The following CREB5 variants were observed in gnomAD, a reference collection of about 807,000 sequenced individuals.
CREB5 encodes the protein cyclic AMP-responsive element-binding protein 5.
CREB5 carries 19 observed loss-of-function variants against 57.1 expected under a neutral mutation model. The observed-to-expected ratio is 0.33, with a 90% confidence interval of 0.23 to 0.49. The LOEUF is 0.49. CREB5 is among the 20% of genes least tolerant of loss of function. CREB5 has a pLI of 0.99. For missense variants in CREB5, 579 were observed against 671.6 expected, an observed-to-expected ratio of 0.86 and a Z score of 1.52; for synonymous variants, 238 against 238.3, an observed-to-expected ratio of 1.00 and a Z score of 0.01.
At chr7:28,538,020 T>C (rs1464399311) in intron 4 of CREB5, among the ~76,000 whole-genome samples, 1 of 151,306 alleles carries the variant, frequency 6.6e-6, no homozygotes, top group Non-Finnish European at 1.5e-5. Flanking sequence ...TTCTTAACTA[T>C]GGTTTTTGTT....
intron 5 of CREB5, among the ~76,000 whole-genome samples, chr7:28,650,247 T>A (rs1799072847): frequency 6.6e-6 from 1 of 152,262 alleles, no homozygotes; most frequent in African/African-American, 2.4e-5. Context: ...GCATTTCACA[T>A]ACACCTTGAA....
intron 4 of CREB5, among the ~76,000 whole-genome samples, chr7:28,525,059 AAGTG>A (rs1172539706): frequency 6.7e-6 from 1 of 149,772 alleles, no homozygotes; most frequent in African/African-American, 2.5e-5. Flanking sequence ...TAGGCATCAC[AAGTG>A]AGTGAGAACA....
At position 28,471,842 on chromosome 7, in the gene CREB5, T is replaced by C. The variant is rs542880313; in HGVS notation, c.4-16333T>C. On this transcript the variant is annotated intron_variant, in intron 1 of 10. Coordinates refer to ENST00000357727, the MANE Select transcript of CREB5 (RefSeq NM_182898.4). ...TGTTCATAATAGAAAAAATATAAAA[T>C]ATAGATACAAAAAATGCATTATCTC... 6.6e-5 allele frequency among the ~76,000 whole-genome samples: 10 copies of C among 152,242 alleles called. No homozygotes were observed. In the South Asian group the frequency reaches 1.9e-3, roughly 28 times the overall value.
chr7:28,467,087 C>T, intron 1 of CREB5, among the ~76,000 whole-genome samples: 1 of 152,206 alleles, frequency 6.6e-6, no homozygotes, highest in South Asian at 2.1e-4. Context: ...AGTGTAGAGA[C>T]ACACAGTCAC....
chr7:28,761,313 T>A (rs554955579), intron 7 of CREB5, among the ~76,000 whole-genome samples: 51 of 152,318 alleles, frequency 3.3e-4, no homozygotes, highest in African/African-American at 1.2e-3. Flanking sequence ...TTGGGTAAGA[T>A]ATTAACTGCT....
intron 1 of CREB5, among the ~76,000 whole-genome samples, chr7:28,307,616 C>T (rs1210683156): frequency 6.6e-6 from 1 of 152,268 alleles, no homozygotes; most frequent in African/African-American, 2.4e-5. Context: ...CAGAATCCTT[C>T]TCAACCTGGC....
chr7:28,321,339 G>A (rs1018223991), intron 1 of CREB5, among the ~76,000 whole-genome samples: 2 of 151,964 alleles, frequency 1.3e-5, no homozygotes, highest in African/African-American at 4.8e-5. Flanking sequence ...GCCAGGGCTG[G>A]CTATATAATT....
chr7:28,591,187 A>G (rs1397062622), intron 5 of CREB5, among the ~76,000 whole-genome samples: 1 of 152,158 alleles, frequency 6.6e-6, no homozygotes, highest in African/African-American at 2.4e-5. Context: ...GGGAAGAGCA[A>G]TGGCCAAAGG....
intron 5 of CREB5, among the ~76,000 whole-genome samples, chr7:28,652,612 G>A (rs1051856202): frequency 6.6e-6 from 1 of 152,160 alleles, no homozygotes; most frequent in South Asian, 2.1e-4. Flanking sequence ...TATAAAATGG[G>A]ATTAAATAGT....
At chr7:28,552,304 CT>C (rs1157287814) in intron 4 of CREB5, among the ~76,000 whole-genome samples, 4 of 152,190 alleles carry the variant, frequency 2.6e-5, no homozygotes, top group Admixed American at 2.6e-4. Flanking sequence ...TCCAAAAGTG[CT>C]GGAATTACAG....
intron 7 of CREB5, among the ~76,000 whole-genome samples, chr7:28,740,153 C>G (rs1021347582): frequency 2.0e-5 from 3 of 152,024 alleles, no homozygotes; most frequent in Non-Finnish European, 2.9e-5. Context: ...CTTTTATGCA[C>G]CAATAGGTAA....
rs34901571 is a variant in CREB5 at position 28,399,418 on chromosome 7, TAA to T, written c.-24-95471_-24-95470del. ...ATATTACAAAACAGCATCATTCTGG[TAA>T]AAAAAAAAAAAAAAAAGACACATAG... On this transcript the variant is annotated intron_variant, in intron 1 of 9. Coordinates refer to the CREB5 transcript ENST00000396299. 4.5e-3 allele frequency among the ~76,000 whole-genome samples: 578 copies of T among 128,096 alleles called. 4 individuals carry two copies. Among genetic ancestry groups the T allele is most frequent in the East Asian group, 0.015 (66 of 4,492 alleles). The allele number at this position is 128,096 out of a possible 152,430, so 84.0% of individuals were successfully genotyped here. A position where few individuals can be genotyped will look rare whatever the true frequency, so the allele number is the denominator to read the frequency against.
intron 7 of CREB5, among the ~76,000 whole-genome samples, chr7:28,803,710 C>G (rs551353060): frequency 6.9e-6 from 1 of 144,988 alleles, no homozygotes; most frequent in African/African-American, 2.6e-5. Context: ...GAGCCGAGAT[C>G]GCACCACTGC....
intron 1 of CREB5, among the ~76,000 whole-genome samples, chr7:28,483,931 G>T (rs1791450280): frequency 6.6e-6 from 1 of 152,162 alleles, no homozygotes. Context: ...TTGATTCAGG[G>T]CAAACAGTGT....
At chr7:28,361,314 C>T (rs574304939) in intron 1 of CREB5, among the ~76,000 whole-genome samples, 1 of 152,168 alleles carries the variant, frequency 6.6e-6, no homozygotes, top group African/African-American at 2.4e-5. Flanking sequence ...TCATCATCAA[C>T]CCTTCCTAAT....
intron 5 of CREB5, among the ~76,000 whole-genome samples, chr7:28,689,199 G>C (rs887050433): frequency 3.3e-5 from 5 of 152,102 alleles, no homozygotes; most frequent in African/African-American, 1.2e-4. Context: ...GGAGAGGGCC[G>C]AGCGCAGTGG....
At position 28,607,703 on chromosome 7, in the gene CREB5, T is replaced by A. The variant is rs147027577; in HGVS notation, c.464+37166T>A. ...CCACAAAATGATAAAGAACATTGAC[T>A]CTTACCCAAAATAAGACCAGTGCCC... On this transcript the variant is annotated intron_variant, in intron 5 of 10. Coordinates refer to ENST00000357727, the MANE Select transcript of CREB5 (RefSeq NM_182898.4). Among the ~76,000 whole-genome samples the A allele has an allele frequency of 3.5e-3, 524 of 151,266 alleles. 3 individuals are homozygous for A. Among genetic ancestry groups the A allele is most frequent in the African/African-American group, 0.012 (496 of 41,142 alleles).
intron 5 of CREB5, among the ~76,000 whole-genome samples, chr7:28,680,038 G>C (rs1800511510): frequency 6.6e-6 from 1 of 152,232 alleles, no homozygotes; most frequent in East Asian, 1.9e-4. Context: ...CTCCAAACGA[G>C]GCTGGGACTA....
At chr7:28,622,837 A>G (rs1477540208) in intron 5 of CREB5, among the ~76,000 whole-genome samples, 1 of 152,170 alleles carries the variant, frequency 6.6e-6, no homozygotes, top group Non-Finnish European at 1.5e-5. Context: ...CCTGGGTAAC[A>G]TAGTGAGACC....
Sources: gnomAD v4.1 joint callset for allele counts (sites outside exome capture counted in the v4.1 genomes callset) on GRCh38, gnomAD v4.1.1 for gene constraint, MANE v1.5 for transcripts, NCBI Gene and HGNC (gene_info 2026-07-23, HGNC 2026-07-21) for gene names.